The following PCOLCE variants were observed in gnomAD, a reference collection of about 807,000 sequenced individuals.
PCOLCE encodes the protein procollagen C-endopeptidase enhancer.
PCOLCE carries 33 observed loss-of-function variants against 47.2 expected under a neutral mutation model. The observed-to-expected ratio is 0.70, with a 90% CI of 0.53 to 0.93. The LOEUF is 0.93. Among genes scored for constraint, PCOLCE ranks in the 40% least tolerant of loss-of-function variants. The pLI, the probability that PCOLCE is intolerant of heterozygous loss-of-function variation, is 0.00. For missense variants in PCOLCE, 584 were observed against 585.3 expected (o/e 1.00, Z 0.02); for synonymous variants, 254 against 252.5 (o/e 1.01, Z -0.06).
In PCOLCE at chr7:100,604,647, C is replaced by G. The variant is rs1001110009; in HGVS notation, c.463+430C>G. 3 of 326,208 alleles carry G rather than the reference C, an allele frequency of 9.2e-6. No individual in the cohort carries two copies. Among genetic ancestry groups the G allele is most frequent in the Admixed American group, 4.9e-5 (1 of 20,556 alleles). The allele number at this position is 326,208 out of a possible 1,614,324, so 20.2% of individuals were successfully genotyped here. Reference sequence around the variant, plus strand: ...GCTCCCGATTGCGGTCCCATCACCCCCTCCTGGCGGCAGAAGTCTCCCTTG... The same window carrying G: ...GCTCCCGATTGCGGTCCCATCACCCGCTCCTGGCGGCAGAAGTCTCCCTTG... On this transcript the variant is annotated intron_variant, in intron 3 of 8. Transcript: ENST00000223061. This position sits in a 1 kb window ranked among gnomAD's most constrained non-coding sequence, Gnocchi z 6.4.
rs1465405363 is a variant in PCOLCE, at chr7:100,602,455, C to T, written c.-2C>T. The T allele has an allele frequency of 1.9e-6, 3 of 1,606,652 alleles. No homozygotes were observed. Among genetic ancestry groups the T allele is most frequent in the South Asian group, 1.1e-5 (1 of 90,996 alleles). On this transcript the variant is annotated 5_prime_UTR_variant, in exon 1 of 9. Transcript: ENST00000223061. ...GGACCCCAGCGCCTTTCCCCCGGGG[C>T]CATGCTGCCTGCAGCCACAGCCTCC...
Position 100,604,793 on chromosome 7 carries a change from G to C in PCOLCE, c.464-298G>C. On this transcript the variant is annotated intron_variant, in intron 3 of 8. Coordinates refer to ENST00000223061, the MANE Select transcript of PCOLCE (RefSeq NM_002593.4). The surrounding 1 kb of genome is among the most constrained non-coding windows in gnomAD (Gnocchi z 6.4). ...GGGCCGGGGAGATGGGATCTCCTAG[G>C]GGAAGAGGCGCGGTGCGGCCGCGGG... 1 of 448,662 alleles carries C rather than the reference G, an allele frequency of 2.2e-6. No homozygotes were observed. The highest frequency in any genetic ancestry group is 3.7e-5 in the Admixed American group (1 of 26,710). 27.8% of individuals were successfully genotyped at this position (448,662 alleles called of 1,614,324 possible).
chr7:100,602,660 C>T, intron 1 of PCOLCE, 109 bp downstream of exon 1: 1 of 733,918 alleles, frequency 1.4e-6, no homozygotes, highest in Non-Finnish European at 2.4e-6. Context: ...CACCACTCCC[C>T]AGATTCCCCA....
At chr7:100,603,261 C>T in intron 1 of PCOLCE, 169 bp from the exon 2 acceptor site, 1 of 513,696 alleles carries the variant, frequency 1.9e-6, no homozygotes, top group East Asian at 3.5e-5. Context: ...TGGGACACCC[C>T]AGCCCTGTCC....
At position 100,607,691 on chromosome 7, in the gene PCOLCE, T is replaced by C; in HGVS notation, c.1067T>C (p.Val356Ala). The change falls in exon 8 of 9, where the codon GTG becomes GCG. Residue 356 changes from valine (V) to alanine (A), a missense_variant. Transcript: ENST00000223061. ...CGGGAGCCAGGGGAGGGCCTTGCCG[T>C]GACTGTCAGTCTTATTGGTGCTTAT... ...MVREPGEGLA[V>A]TVSLIGAYKT... is the part of the protein sequence containing the mutation. 1 of 1,614,140 alleles carries C rather than the reference T, an allele frequency of 6.2e-7. No homozygotes were observed. Among genetic ancestry groups the C allele is most frequent in the East Asian group, 2.2e-5 (1 of 44,880 alleles).
chr7:100,602,605 C>T, intron 1 of PCOLCE, 54 bp downstream of exon 1: 1 of 1,141,870 alleles, frequency 8.8e-7, no homozygotes, highest in Non-Finnish European at 1.3e-6. Context: ...ACCCCCGATT[C>T]CTTTGGGGTT....
Position 100,608,120 on chromosome 7 carries a change from G to T in PCOLCE, c.*17G>T, listed in dbSNP as rs556693066. 9 of 1,609,348 alleles carry T rather than the reference G, an allele frequency of 5.6e-6. No homozygotes were observed. Among genetic ancestry groups the T allele is most frequent in the Admixed American group, 5.0e-5 (3 of 59,494 alleles). On this transcript the variant is annotated 3_prime_UTR_variant, in exon 9 of 9. Coordinates refer to ENST00000223061, the MANE Select transcript of PCOLCE (RefSeq NM_002593.4). ...CAGGACTGAGACGCAGGCCAGCCCC[G>T]GCCCCTAGCCCTCAGGCCTTCTTTC...
chr7:100,602,771 G>C, intron 1 of PCOLCE: 1 of 577,298 alleles, frequency 1.7e-6, no homozygotes, highest in East Asian at 2.9e-5. Flanking sequence ...TTCGTCCTCT[G>C]GTCTCTTAAG....
chr7:100,606,483 G>T lies in PCOLCE; in HGVS notation c.793G>T (p.Gly265Cys). The T allele has an allele frequency of 6.2e-7, 1 of 1,614,036 alleles. No individual in the cohort carries two copies. Among genetic ancestry groups the T allele is most frequent in the Non-Finnish European group, 8.5e-7 (1 of 1,179,908 alleles). The change falls in exon 6 of 9, where the codon GGC becomes TGC. Residue 265 changes from glycine (G) to cysteine (C), a missense_variant. Coordinates refer to ENST00000223061, the MANE Select transcript of PCOLCE (RefSeq NM_002593.4). ...CTCAGATCTCAGTGTCACCGCTGAT[G>T]GCTTCTCAGCCTCCTACAAGACCCT... ...FVSDLSVTAD[G>C]FSASYKTLPR...
rs1475448461 is a variant in PCOLCE, at chr7:100,607,447, C to G, written c.941-5C>G. ...CAGGTCACCCTCCACCCTCCTCCCT[C>G]CTAGATGCACCCACCTGCCCAAAGC... On this transcript the variant is annotated splice_polypyrimidine_tract_variant and splice_region_variant and intron_variant, in intron 6 of 8. Transcript: ENST00000223061. The G allele has an allele frequency of 1.9e-6, 3 of 1,613,468 alleles. No homozygotes were observed. The highest frequency in any genetic ancestry group is 2.5e-6 in the Non-Finnish European group (3 of 1,179,614).
rs554951152 is a variant in PCOLCE, at chr7:100,603,889, G to C, written c.205-70G>C. 3.2e-5 allele frequency: 49 copies of C among 1,546,160 alleles called. No homozygotes were observed. In the Admixed American group the frequency reaches 8.3e-4, roughly 26 times the overall value. ...TTTCTGCAAGAAACGCTTGGGGCAG[G>C]GGAGCTGCCCTCTGGCTGGGTTGTG... On this transcript the variant is annotated intron_variant, in intron 2 of 8. Transcript: ENST00000223061.
rs1295331240 is a variant in PCOLCE at position 100,602,531 on chromosome 7, C to A, written c.75C>A (p.Gly25=). 5.0e-6 allele frequency: 8 copies of A among 1,609,202 alleles called. No individual in the cohort carries two copies. The East Asian group carries it at 6.7e-5, about 13-fold the overall frequency. Reference sequence around the variant, plus strand: ...GCGCCCTGCTGCCTTTTGCCCAGGGCCAGACCCCCAACTACACCAGGTAGG... The same window carrying A: ...GCGCCCTGCTGCCTTTTGCCCAGGGACAGACCCCCAACTACACCAGGTAGG... ...TACALLPFAQ[G]QTPNYTRPVF... The change falls in exon 1 of 9, where the codon GGC becomes GGA. Residue 25 remains glycine (G), a synonymous_variant. Transcript: ENST00000223061.
Position 100,608,003 on chromosome 7 carries a change from T to C in PCOLCE, c.1250T>C (p.Phe417Ser), listed in dbSNP as rs755990485. ...GGCCCCGTCCTTCCTCCAGAGAGCTTTGTGGTTCTCCACCGGCCCAACCAG... is the reference window on the plus strand; with the variant it reads ...GGCCCCGTCCTTCCTCCAGAGAGCTCTGTGGTTCTCCACCGGCCCAACCAG... ...NRGPVLPPES[F>S]VVLHRPNQDQ... is the part of the protein sequence containing the mutation. The change falls in exon 9 of 9, where the codon TTT becomes TCT. Residue 417 changes from phenylalanine to serine, a missense_variant. Physicochemically the swap from Phe to Ser is radical, Grantham distance 155 (BLOSUM62 -2). Transcript: ENST00000223061. The C allele has an allele frequency of 1.2e-6, 2 of 1,614,090 alleles. No individual in the cohort carries two copies. Among genetic ancestry groups the C allele is most frequent in the South Asian group, 1.1e-5 (1 of 91,082 alleles).
chr7:100,604,108 G>T lies in PCOLCE; in HGVS notation c.354G>T (p.Ala118=). The T allele has an allele frequency of 6.2e-7, 1 of 1,611,236 alleles. No homozygotes were observed. Residue 118 remains alanine (A), a synonymous_variant, in exon 3 of 9, where the codon GCG becomes GCT. Coordinates refer to ENST00000223061, the MANE Select transcript of PCOLCE (RefSeq NM_002593.4). The surrounding 1 kb of genome is among the most constrained non-coding windows in gnomAD (Gnocchi z 6.4). ...LGRFCGTFRP[A]PLVAPGNQVT... ...GCTTTTGTGGGACCTTCCGGCCTGC[G>T]CCCCTAGTCGCCCCCGGCAACCAGG...
Position 100,607,734 on chromosome 7 carries a change from C to T in PCOLCE, c.1110C>T (p.Asp370=), listed in dbSNP as rs1562828199. The T allele has an allele frequency of 2.5e-6, 4 of 1,613,782 alleles. No homozygotes were observed. Among genetic ancestry groups the T allele is most frequent in the Middle Eastern group, 1.6e-4 (1 of 6,062 alleles). Residue 370 remains aspartate (D), a synonymous_variant, in exon 8 of 9, where the codon GAC becomes GAT. Coordinates refer to ENST00000223061, the MANE Select transcript of PCOLCE (RefSeq NM_002593.4). ...GTGCTTATAAAACTGGAGGACTGGA[C>T]CTGCCTTCTCCACCCACTGGTGCCT... ...LIGAYKTGGL[D]LPSPPTGASL...
At chr7:100,603,573 AGTCTC>A in intron 2 of PCOLCE, 35 bp downstream of exon 2, 1 of 1,174,778 alleles carries the variant, frequency 8.5e-7, no homozygotes, top group Admixed American at 2.2e-5. Context: ...CCCTTGTTAA[AGTCTC>A]AGAGGCAAAA....
In PCOLCE at chr7:100,603,226, C is replaced by T. The variant is rs570820111; in HGVS notation, c.96-204C>T. 2.0e-3 allele frequency: 912 copies of T among 450,372 alleles called. 5 individuals carry two copies. Among genetic ancestry groups the T allele is most frequent in the Non-Finnish European group, 1.8e-3 (462 of 256,630 alleles). The allele number at this position is 450,372 out of a possible 1,614,324, so 27.9% of individuals were successfully genotyped here. On this transcript the variant is annotated intron_variant, in intron 1 of 8. Transcript: ENST00000223061. Reference sequence around the variant, plus strand: ...AGGGATGGTCGAGTTGCCAGGCCCACTTTTCCCTTATCTTTGTGGGAGTCT... The same window carrying T: ...AGGGATGGTCGAGTTGCCAGGCCCATTTTTCCCTTATCTTTGTGGGAGTCT...
At position 100,605,268 on chromosome 7, in the gene PCOLCE, G is replaced by A. The variant is rs1216877859; in HGVS notation, c.588+53G>A. Reference sequence around the variant, plus strand: ...TAGGGGACCCAGGCGGCGCCCTCCAGCTTGCAGCCAGCAGAGATTTATTGA... The same window carrying A: ...TAGGGGACCCAGGCGGCGCCCTCCAACTTGCAGCCAGCAGAGATTTATTGA... On this transcript the variant is annotated intron_variant, in intron 4 of 8. Transcript: ENST00000223061. This position sits in a 1 kb window ranked among gnomAD's most constrained non-coding sequence, Gnocchi z 6.1. The A allele has an allele frequency of 1.3e-6, 2 of 1,560,222 alleles. No homozygotes were observed. The highest frequency in any genetic ancestry group is 1.8e-5 in the Admixed American group (1 of 56,382).
chr7:100,605,390 C>A lies in PCOLCE; in HGVS notation c.588+175C>A. The A allele has an allele frequency of 1.4e-6, 1 of 714,542 alleles. No individual in the cohort carries two copies. Among genetic ancestry groups the A allele is most frequent in the Non-Finnish European group, 2.3e-6 (1 of 437,312 alleles). The allele number at this position is 714,542 out of a possible 1,614,324, so 44.3% of individuals were successfully genotyped here. The stretch of plus-strand genomic sequence containing the variant: ...GCAAACAAAAATGTAAAAATTACAA[C>A]TGAGACAAGTCTCAGGAGAGCGAGG... On this transcript the variant is annotated intron_variant, in intron 4 of 8. Coordinates refer to ENST00000223061, the MANE Select transcript of PCOLCE (RefSeq NM_002593.4). The surrounding 1 kb of genome is among the most constrained non-coding windows in gnomAD (Gnocchi z 6.1).
Sources: gnomAD v4.1 joint callset for allele counts on GRCh38, gnomAD v4.1.1 for gene constraint, Gnocchi (gnomAD v3.1) non-coding constraint, MANE v1.5 for transcripts, NCBI Gene and HGNC (gene_info 2026-07-23, HGNC 2026-07-21) for gene names.